Variants in ITPR1 observed in about 807,000 individuals in gnomAD.
ITPR1 encodes the protein inositol 1,4,5-trisphosphate receptor type 1, also known as inositol 1,4,5-trisphosphate-gated calcium channel ITPR1.
Under a neutral mutation model 318.4 loss-of-function variants are expected in ITPR1, and 96 were observed. That is an observed-to-expected ratio of 0.30 (90% CI 0.26 to 0.36). The LOEUF (loss-of-function observed/expected upper bound fraction) is 0.36. Among genes scored for constraint, ITPR1 ranks in the 10% least tolerant of loss-of-function variants. The pLI, the probability that ITPR1 is intolerant of heterozygous loss-of-function variation, is 1.00. For missense variants in ITPR1, 2,440 were observed against 3,460.2 expected (o/e 0.71, Z 7.40); for synonymous variants, 1,312 against 1,289.9 (o/e 1.02, Z -0.37).
chr3:4,768,639 G>A lies in ITPR1; in HGVS notation c.5854G>A (p.Glu1952Lys), dbSNP rs2045973842. 4 of 1,614,046 alleles carry A rather than the reference G, an allele frequency of 2.5e-6. No individual in the cohort carries two copies. Among genetic ancestry groups the A allele is most frequent in the Non-Finnish European group, 3.4e-6 (4 of 1,179,898 alleles). Residue 1952 changes from glutamate to lysine, a missense_variant, in exon 46 of 62, where the codon GAG becomes AAG. Glu to Lys is a moderately conservative substitution (Grantham distance 56, BLOSUM62 1). Around this residue, in one of 23 missense-constraint regions of ITPR1, gnomAD observed 113 missense variants for 103.6 expected, o/e 1.09. Coordinates refer to ENST00000649015, the MANE Select transcript of ITPR1 (RefSeq NM_001378452.1). ...TCCCGACGACCACTACCAGCCTGGA[G>A]AGGGCACCCAGGCCACTGCCGACAA... ...ADPDDHYQPG[E>K]GTQATADKAK... is the part of the protein sequence containing the mutation.
At chr3:4,746,333 C>T (rs1194945740) in intron 44 of ITPR1, among the ~76,000 whole-genome samples, 1 of 152,226 alleles carries the variant, frequency 6.6e-6, no homozygotes, top group African/African-American at 2.4e-5. Flanking sequence ...CCATCAGTGC[C>T]TCACGTGGTC....
At chr3:4,686,979 A>G (rs983684913) in intron 30 of ITPR1, among the ~76,000 whole-genome samples, 1 of 152,234 alleles carries the variant, frequency 6.6e-6, no homozygotes. Context: ...GGGACTTGCT[A>G]TTAATGTCCT....
chr3:4,763,538 A>T (rs1264761437), intron 44 of ITPR1, among the ~76,000 whole-genome samples: 1 of 152,144 alleles, frequency 6.6e-6, no homozygotes, highest in Non-Finnish European at 1.5e-5. Context: ...CTCATTCCCC[A>T]TTCTCCAGTT....
At chr3:4,757,355 C>G (rs765917092) in intron 44 of ITPR1, among the ~76,000 whole-genome samples, 2 of 152,156 alleles carry the variant, frequency 1.3e-5, no homozygotes, top group Non-Finnish European at 2.9e-5. Context: ...CCCATATTAA[C>G]AAATGTATTA....
intron 60 of ITPR1, among the ~76,000 whole-genome samples, chr3:4,832,281 A>G (rs1435734515): frequency 2.6e-5 from 4 of 152,234 alleles, no homozygotes; most frequent in African/African-American, 7.2e-5. Context: ...TCCTTTTGCT[A>G]TCTTTGCATT....
intron 56 of ITPR1, among the ~76,000 whole-genome samples, chr3:4,812,185 C>T (rs538581999): frequency 2.6e-5 from 4 of 152,086 alleles, no homozygotes; most frequent in African/African-American, 7.2e-5. Flanking sequence ...AAACTGCAGG[C>T]GCCTGCCACT....
At chr3:4,519,260 C>T (rs1242007373) in intron 3 of ITPR1, among the ~76,000 whole-genome samples, 3 of 152,024 alleles carry the variant, frequency 2.0e-5, no homozygotes, top group African/African-American at 7.2e-5. Context: ...TGGAGTCTCA[C>T]TCTGTCGCCA....
intron 4 of ITPR1, among the ~76,000 whole-genome samples, chr3:4,590,612 C>G (rs1386422233): frequency 1.3e-5 from 2 of 151,712 alleles, no homozygotes; most frequent in East Asian, 3.9e-4. Flanking sequence ...CTGGGACTCA[C>G]TGTGTTGCCC....
intron 4 of ITPR1, among the ~76,000 whole-genome samples, chr3:4,557,299 T>A (rs2086225512): frequency 6.6e-6 from 1 of 152,142 alleles, no homozygotes; most frequent in African/African-American, 2.4e-5. Flanking sequence ...GGAACTCTCC[T>A]TTATAAAACC....
rs1297819674 is a variant in ITPR1 at position 4,691,335 on chromosome 3, T to A, written c.4020T>A (p.Val1340=). The change falls in exon 32 of 62, where the codon GTT becomes GTA. Residue 1340 remains valine, a synonymous_variant. Coordinates refer to ENST00000649015, the MANE Select transcript of ITPR1 (RefSeq NM_001378452.1). ...GKFIKKCQDM[V]MAELVNSGED... is the part of the protein sequence containing the mutation. Reference sequence around the variant, plus strand: ...TTATTAAAAAATGCCAAGACATGGTTATGGCCGAGGTGATTGTTATATATT... The same window carrying A: ...TTATTAAAAAATGCCAAGACATGGTAATGGCCGAGGTGATTGTTATATATT... The A allele has an allele frequency of 4.4e-6, 7 of 1,606,322 alleles. No individual in the cohort carries two copies. The highest frequency in any genetic ancestry group is 6.0e-6 in the Non-Finnish European group (7 of 1,173,420).
chr3:4,673,575 GT>G (rs960593147), intron 21 of ITPR1, among the ~76,000 whole-genome samples, 188 bp downstream of exon 21: 1 of 133,270 alleles, frequency 7.5e-6, no homozygotes, highest in Non-Finnish European at 1.6e-5. Context: ...TATGTTTTTG[GT>G]TTTTGTTTGT....
intron 51 of ITPR1, among the ~76,000 whole-genome samples, chr3:4,784,341 A>AGACGTGGGAAGATTCTAGGTGATCC (rs2047026947): frequency 6.6e-6 from 1 of 152,142 alleles, no homozygotes; most frequent in Admixed American, 6.5e-5. Context: ...GCGAAAGCCC[A>AGACGTGGGAAGATTCTAGGTGATCC]GACGTGGGAA....
chr3:4,818,920 C>T (rs900926638), intron 60 of ITPR1, among the ~76,000 whole-genome samples: 2 of 152,058 alleles, frequency 1.3e-5, no homozygotes, highest in African/African-American at 4.8e-5. Flanking sequence ...CTGTGCTTTC[C>T]GAACATCATT....
chr3:4,711,209 TCAAAAA>T (rs2041339175), intron 38 of ITPR1, among the ~76,000 whole-genome samples: 1 of 51,766 alleles, frequency 1.9e-5, no homozygotes, highest in African/African-American at 8.3e-5. Context: ...AGACCTTGTC[TCAAAAA>T]AAAAAAAAAA....
At chr3:4,818,720 C>G (rs1166794795) in intron 60 of ITPR1, among the ~76,000 whole-genome samples, 2 of 152,120 alleles carry the variant, frequency 1.3e-5, no homozygotes, top group Non-Finnish European at 2.9e-5. Flanking sequence ...CTCTACTAAT[C>G]GTTAAGAAGT....
chr3:4,567,612 G>GTTT (rs2087466347), intron 4 of ITPR1, among the ~76,000 whole-genome samples: 1 of 138,286 alleles, frequency 7.2e-6, no homozygotes, highest in Non-Finnish European at 1.5e-5. Flanking sequence ...AGTTTTTTTT[G>GTTT]GTTTCTTTTT....
At chr3:4,640,973 G>A (rs1575849114) in intron 6 of ITPR1, among the ~76,000 whole-genome samples, 1 of 152,290 alleles carries the variant, frequency 6.6e-6, no homozygotes, top group East Asian at 1.9e-4. Flanking sequence ...TTAGCTAGGG[G>A]TCATCGGGGC....
intron 44 of ITPR1, among the ~76,000 whole-genome samples, chr3:4,762,761 A>G (rs1006763264): frequency 6.6e-6 from 1 of 152,222 alleles, no homozygotes; most frequent in African/African-American, 2.4e-5. Flanking sequence ...CTCTGTTAAG[A>G]AACACCTTCC....
intron 4 of ITPR1, among the ~76,000 whole-genome samples, chr3:4,526,920 C>T (rs2083026888): frequency 6.6e-6 from 1 of 152,192 alleles, no homozygotes; most frequent in African/African-American, 2.4e-5. Flanking sequence ...GTCTTCACTG[C>T]AACTATTTAT....
Sources: allele counts gnomAD v4.1 joint callset (sites outside exome capture counted in the v4.1 genomes callset), GRCh38; gene constraint gnomAD v4.1.1; regional missense constraint gnomAD v4.1.1; transcripts MANE v1.5; gene names NCBI Gene and HGNC (gene_info 2026-07-23, HGNC 2026-07-21).